AGBL1: variants seen among roughly 807,000 people sequenced by gnomAD.
AGBL1 encodes cytosolic carboxypeptidase 4.
In AGBL1, 130 loss-of-function variants were observed where a neutral mutation model predicts 118.9. The observed-to-expected ratio is 1.09, with a 90% CI of 0.95 to 1.26. AGBL1 has a LOEUF of 1.26. Among genes scored for constraint, AGBL1 ranks in the 50% most tolerant of loss-of-function variants. The pLI, the probability that AGBL1 is intolerant of heterozygous loss-of-function variation, is 0.00. For missense variants in AGBL1, 1,584 were observed against 1,298.1 expected (o/e 1.22, Z -3.38); for synonymous variants, 555 against 478.9 (o/e 1.16, Z -2.08).
intron 17 of AGBL1, among the ~76,000 whole-genome samples, chr15:86,374,607 C>T (rs74928256): frequency 0.18 from 27,623 of 152,044 alleles, 2,628 homozygotes; most frequent in South Asian, 0.2. Flanking sequence ...ATCTAAAACC[C>T]ATAAATTGAG....
chr15:86,296,038 A>G (rs751091819), intron 17 of AGBL1: 1 of 152,578 alleles, frequency 6.6e-6, no homozygotes, highest in Non-Finnish European at 1.5e-5. Context: ...AGACGTGTAT[A>G]CATGTGTAGA....
chr15:86,363,051 G>C (rs567829686), intron 17 of AGBL1, among the ~76,000 whole-genome samples: 1 of 152,308 alleles, frequency 6.6e-6, no homozygotes, highest in African/African-American at 2.4e-5. Flanking sequence ...GAGTCTACAG[G>C]GGAATGGGGC....
chr15:86,770,573 T>C (rs1450447899), intron 22 of AGBL1, among the ~76,000 whole-genome samples: 1 of 151,878 alleles, frequency 6.6e-6, no homozygotes, highest in African/African-American at 2.4e-5. Context: ...AATTGCACGA[T>C]GGAGGATTGA....
intron 4 of AGBL1, among the ~76,000 whole-genome samples, chr15:86,155,135 T>C (rs2077170668): frequency 6.6e-6 from 1 of 152,216 alleles, no homozygotes; most frequent in Non-Finnish European, 1.5e-5. Flanking sequence ...ATTTTGTATT[T>C]AGACCCATAA....
chr15:86,641,707 A>G (rs1353075064), intron 21 of AGBL1, among the ~76,000 whole-genome samples: 1 of 152,142 alleles, frequency 6.6e-6, no homozygotes, highest in African/African-American at 2.4e-5. Context: ...GCTTGAAGCC[A>G]AGAGTTTGAA....
intron 6 of AGBL1, among the ~76,000 whole-genome samples, chr15:86,232,754 C>T (rs898296567): frequency 6.6e-6 from 1 of 152,130 alleles, no homozygotes; most frequent in Non-Finnish European, 1.5e-5. Flanking sequence ...CTTTGATAAC[C>T]TGTTATCTTC....
chr15:86,888,612 C>A (rs779742661), intron 22 of AGBL1, among the ~76,000 whole-genome samples: 14 of 151,996 alleles, frequency 9.2e-5, no homozygotes, highest in Non-Finnish European at 1.9e-4. Flanking sequence ...TAAAGCTCAG[C>A]GTGAGGGGAT....
intron 17 of AGBL1, among the ~76,000 whole-genome samples, chr15:86,320,248 G>A (rs537947553): frequency 6.6e-6 from 1 of 152,112 alleles, no homozygotes; most frequent in Admixed American, 6.5e-5. Context: ...AAGGTTTTGA[G>A]AACATGTTAT....
chr15:86,690,512 T>G (rs2086145675), intron 22 of AGBL1, among the ~76,000 whole-genome samples: 2 of 152,220 alleles, frequency 1.3e-5, no homozygotes, highest in African/African-American at 2.4e-5. Flanking sequence ...AACGCTGAAT[T>G]CTTCCCTAAA....
chr15:86,275,839 G>A (rs2141704984), intron 15 of AGBL1, among the ~76,000 whole-genome samples: 1 of 152,246 alleles, frequency 6.6e-6, no homozygotes, highest in South Asian at 2.1e-4. Context: ...ACAGATTGAG[G>A]AGAGGAAGTT....
At chr15:86,825,585 A>G (rs1207244267) in intron 22 of AGBL1, among the ~76,000 whole-genome samples, 2 of 150,986 alleles carry the variant, frequency 1.3e-5, no homozygotes, top group Non-Finnish European at 2.9e-5. Flanking sequence ...GGCAAAGAGC[A>G]CATGAAAAAT....
intron 16 of AGBL1, 149 bp from the exon 17 acceptor site, chr15:86,295,106 C>A (rs1018535229): frequency 1.5e-5 from 13 of 843,714 alleles, no homozygotes; most frequent in Non-Finnish European, 1.8e-5. Flanking sequence ...TAGAAATAGC[C>A]CCCTTTTAAT....
intron 17 of AGBL1, among the ~76,000 whole-genome samples, chr15:86,375,089 T>G (rs1012105549): frequency 6.6e-6 from 1 of 152,242 alleles, no homozygotes; most frequent in African/African-American, 2.4e-5. Flanking sequence ...TTCCCTTGAC[T>G]TTTGGTCAGA....
intron 24 of AGBL1, among the ~76,000 whole-genome samples, chr15:86,989,759 T>C (rs114110439): frequency 0.011 from 1,676 of 152,242 alleles, 31 homozygotes; most frequent in African/African-American, 0.037. Flanking sequence ...TTAAAGAAGA[T>C]GTTTAAGAAT....
At chr15:86,837,082 T>C (rs539208914) in intron 22 of AGBL1, among the ~76,000 whole-genome samples, 1 of 152,220 alleles carries the variant, frequency 6.6e-6, no homozygotes, top group African/African-American at 2.4e-5. Context: ...AAATAAAAAT[T>C]GATGAGTGAG....
At chr15:86,205,699 T>C (rs1420320453) in intron 5 of AGBL1, among the ~76,000 whole-genome samples, 1 of 152,236 alleles carries the variant, frequency 6.6e-6, no homozygotes, top group East Asian at 1.9e-4. Flanking sequence ...ATTTCCTTGA[T>C]GACATATGCT....
chr15:86,667,961 G>T (rs1359497546), intron 21 of AGBL1, among the ~76,000 whole-genome samples: 1 of 152,190 alleles, frequency 6.6e-6, no homozygotes, highest in Non-Finnish European at 1.5e-5. Flanking sequence ...CTCAGCTTCT[G>T]GTGAGGCCTC....
intron 1 of AGBL1, among the ~76,000 whole-genome samples, chr15:86,124,299 C>T (rs1047840979): frequency 2.9e-5 from 4 of 138,562 alleles, no homozygotes; most frequent in Admixed American, 7.8e-5. Context: ...CACTGCACTA[C>T]AGCCTGGGCA....
chr15:86,196,866 T>TGTGCGCGC (rs1555446432), intron 5 of AGBL1, among the ~76,000 whole-genome samples: 1 of 62,252 alleles, frequency 1.6e-5, no homozygotes, highest in African/African-American at 1.3e-4. Context: ...AATGTGCACA[T>TGTGCGCGC]GTGCGCGCGC....
Sources: gnomAD v4.1 joint callset for allele counts (sites outside exome capture counted in the v4.1 genomes callset) on GRCh38, gnomAD v4.1.1 for gene constraint, MANE v1.5 for transcripts, NCBI Gene and HGNC (gene_info 2026-07-23, HGNC 2026-07-21) for gene names.